The following FERMT3 variants were observed in gnomAD, a reference collection of about 807,000 sequenced individuals.
FERMT3 encodes FERM domain containing kindlin 3, also known as fermitin family homolog 3.
Under a neutral mutation model 80.8 loss-of-function variants are expected in FERMT3, and 33 were observed. The ratio of observed to expected loss-of-function variants is 0.41; its 90% CI spans 0.31 to 0.55. The LOEUF is 0.55. FERMT3 is among the 20% of genes least tolerant of loss of function. FERMT3 has a pLI of 0.31. For missense variants in FERMT3, 754 were observed against 908.7 expected, an observed-to-expected ratio of 0.83 and a Z score of 2.19; for synonymous variants, 375 against 372.2, an observed-to-expected ratio of 1.01 and a Z score of -0.09.
At chr11:64,223,255 T>TG (rs928271995) in intron 14 of FERMT3, 58 bp from the exon 15 acceptor site, 34 of 1,612,842 alleles carry the variant, frequency 2.1e-5, no homozygotes, top group Non-Finnish European at 2.8e-5. Context: ...CCAGCCAGGG[T>TG]GGGGCAGGGG....
chr11:64,220,703 G>T, intron 12 of FERMT3, 34 bp downstream of exon 12: 1 of 1,573,660 alleles, frequency 6.4e-7, no homozygotes, highest in Non-Finnish European at 8.7e-7. Context: ...AATGAGCATA[G>T]TGTTTACCCA....
At position 64,210,156 on chromosome 11, in the gene FERMT3, C is replaced by T. The variant is rs1021316039; in HGVS notation, c.161-455C>T. On this transcript the variant is annotated intron_variant, in intron 2 of 14. Coordinates refer to ENST00000345728, the MANE Select transcript of FERMT3 (RefSeq NM_031471.6). This position sits in a 1 kb window ranked among gnomAD's most constrained non-coding sequence, Gnocchi z 4.3. The stretch of plus-strand genomic sequence containing the variant: ...AGCTAATAGCTAAAAATATTGAGTG[C>T]TCACTGCTCCAGGCCAGGCACAGGT... 1.3e-5 allele frequency among the ~76,000 whole-genome samples: 2 copies of T among 152,234 alleles called. No individual in the cohort carries two copies. Among genetic ancestry groups the T allele is most frequent in the African/African-American group, 4.8e-5 (2 of 41,462 alleles).
rs749654633 is a variant in FERMT3, at chr11:64,211,603, G to A, written c.684-42G>A. ...CAGCCCCCCTCCCCACCCCACGGCCGTACCTGGCGCAGCCCTGACTGCTGC... is the reference window on the plus strand; with the variant it reads ...CAGCCCCCCTCCCCACCCCACGGCCATACCTGGCGCAGCCCTGACTGCTGC... On this transcript the variant is annotated intron_variant, in intron 5 of 14. Transcript: ENST00000345728. The surrounding 1 kb of genome is among the most constrained non-coding windows in gnomAD (Gnocchi z 4.7). 42 of 1,579,148 alleles carry A rather than the reference G, an allele frequency of 2.7e-5. No individual in the cohort carries two copies. Among genetic ancestry groups the A allele is most frequent in the South Asian group, 7.8e-5 (7 of 89,738 alleles).
chr11:64,217,428 A>G (rs528673947), intron 6 of FERMT3, among the ~76,000 whole-genome samples: 34 of 152,268 alleles, frequency 2.2e-4, no homozygotes, highest in African/African-American at 6.3e-4. Flanking sequence ...GCATGCCTGT[A>G]ATCCCAGCTA....
Position 64,207,467 on chromosome 11 carries a change from C to CG in FERMT3, c.106dup (p.Val36GlyfsTer111), listed in dbSNP as rs948838429. 1 of 1,613,882 alleles carries CG rather than the reference C, an allele frequency of 6.2e-7. No homozygotes were observed. The highest frequency in any genetic ancestry group is 8.5e-7 in the Non-Finnish European group (1 of 1,179,952). ...CCCAGAGGCCGAGTCGGTCACCCTG[C>CG]GGGTCACTGGGGAGTCGCACATCGG... On this transcript the variant is annotated frameshift_variant, in exon 2 of 15. Coordinates refer to ENST00000345728, the MANE Select transcript of FERMT3 (RefSeq NM_031471.6). LOFTEE classifies it high-confidence loss of function.
At position 64,223,735 on chromosome 11, in the gene FERMT3, G is replaced by T; in HGVS notation, c.*243G>T. The T allele has an allele frequency of 1.3e-6, 1 of 755,554 alleles. No individual in the cohort carries two copies. 46.8% of individuals were successfully genotyped at this position (755,554 alleles called of 1,614,324 possible). Reference sequence around the variant, plus strand: ...TGGTGCCCCCTTTCCTTGTCTGAGTGGCTGAGGCTGATACCCCTGACCTAT... The same window carrying T: ...TGGTGCCCCCTTTCCTTGTCTGAGTTGCTGAGGCTGATACCCCTGACCTAT... On this transcript the variant is annotated 3_prime_UTR_variant, in exon 15 of 15. Coordinates refer to ENST00000345728, the MANE Select transcript of FERMT3 (RefSeq NM_031471.6).
chr11:64,216,657 G>A (rs140041296), intron 6 of FERMT3, among the ~76,000 whole-genome samples: 5,771 of 151,000 alleles, frequency 0.038, 370 homozygotes, highest in African/African-American at 0.13. Context: ...TTAGCCGGGC[G>A]TGGTGGTGGG....
intron 6 of FERMT3, among the ~76,000 whole-genome samples, chr11:64,214,100 T>G (rs1396838322): frequency 6.6e-6 from 1 of 152,048 alleles, no homozygotes; most frequent in East Asian, 1.9e-4. Context: ...GTGTTCCTAG[T>G]TAAGCCACAG....
In FERMT3 at chr11:64,220,867, C is replaced by T. The variant is rs180753767; in HGVS notation, c.1546-149C>T. 1.6e-3 allele frequency: 2,288 copies of T among 1,455,120 alleles called. 37 individuals carry two copies. The South Asian group carries it at 0.024, about 15-fold the overall frequency. The allele number at this position is 1,455,120 out of a possible 1,614,324, so 90.1% of individuals were successfully genotyped here. ...TGCCCATGTCCACCTTGCAGCCTGG[C>T]GCAGTGCAGATCTGCACCTTGGCGG... On this transcript the variant is annotated intron_variant, in intron 12 of 14. Coordinates refer to ENST00000345728, the MANE Select transcript of FERMT3 (RefSeq NM_031471.6).
chr11:64,207,735 G>T, intron 2 of FERMT3: 2 of 596,864 alleles, frequency 3.4e-6, no homozygotes, highest in South Asian at 2.1e-5. Context: ...TGCTGCAGCT[G>T]GTCTGCTAAG....
Position 64,218,424 on chromosome 11 carries a change from A to G in FERMT3, c.787-827A>G, listed in dbSNP as rs535511236. ...GTTCAGGTGATTCTCCCACCTCAGC[A>G]TCCTGAGTACCTGGGACTACAGGCA... On this transcript the variant is annotated intron_variant, in intron 6 of 14. Transcript: ENST00000345728. Among the ~76,000 whole-genome samples, 22 of 152,186 alleles carry G rather than the reference A, an allele frequency of 1.4e-4. No homozygotes were observed. In the East Asian group the frequency reaches 3.5e-3, roughly 24 times the overall value.
At chr11:64,214,168 C>CTTTTTTTTTTTT (rs60329788) in intron 6 of FERMT3, among the ~76,000 whole-genome samples, 3 of 113,446 alleles carry the variant, frequency 2.6e-5, no homozygotes, top group Non-Finnish European at 3.5e-5. Context: ...TCATAATTGC[C>CTTTTTTTTTTTT]TTTTTTTTTT....
In FERMT3 at chr11:64,210,470, A is replaced by G. The variant is rs1946411221; in HGVS notation, c.161-141A>G. ...CTGCTGTTACCATGGGGTAGACCCC[A>G]GGCCCGCCCAGGCTGCCCCACTCTT... On this transcript the variant is annotated intron_variant, in intron 2 of 14. Transcript: ENST00000345728. The surrounding 1 kb of genome is among the most constrained non-coding windows in gnomAD (Gnocchi z 4.3). 3 of 826,282 alleles carry G rather than the reference A, an allele frequency of 3.6e-6. No homozygotes were observed. The highest frequency in any genetic ancestry group is 6.0e-6 in the Non-Finnish European group (3 of 501,358). 51.2% of individuals were successfully genotyped at this position (826,282 alleles called of 1,614,324 possible).
At position 64,223,041 on chromosome 11, in the gene FERMT3, GGGCCA is replaced by G; in HGVS notation, c.1671-4_1671del. On this transcript the variant is annotated splice_acceptor_variant and splice_polypyrimidine_tract_variant and intron_variant, in intron 13 of 14. Transcript: ENST00000345728. LOFTEE classifies it high-confidence loss of function. ...GCCCTGGCTCACTCTCTCTCCCTGGGGGCCAGGTTCAAGGGCAGCAGGAAAGACGA... is the reference window on the plus strand; with the variant it reads ...GCCCTGGCTCACTCTCTCTCCCTGGGGGTTCAAGGGCAGCAGGAAAGACGA... 1 of 1,613,386 alleles carries G rather than the reference GGGCCA, an allele frequency of 6.2e-7. No homozygotes were observed. The highest frequency in any genetic ancestry group is 8.5e-7 in the Non-Finnish European group (1 of 1,180,014).
chr11:64,221,926 CCAAAAAACAAAACAAAA>C (rs1946691656), intron 13 of FERMT3, among the ~76,000 whole-genome samples: 1 of 145,406 alleles, frequency 6.9e-6, no homozygotes, highest in Admixed American at 6.9e-5. Flanking sequence ...AACTCTGCCT[CCAAAAAACAAAACAAAA>C]CAAAAAACAA....
Position 64,223,766 on chromosome 11 carries a change from G to A in FERMT3, c.*274G>A, listed in dbSNP as rs1375562987. 2.3e-6 allele frequency: 2 copies of A among 863,378 alleles called. No homozygotes were observed. Among genetic ancestry groups the A allele is most frequent in the South Asian group, 3.5e-5 (2 of 57,504 alleles). 53.5% of individuals were successfully genotyped at this position (863,378 alleles called of 1,614,324 possible). A position where few individuals can be genotyped will look rare whatever the true frequency, so the allele number is the denominator to read the frequency against. On this transcript the variant is annotated 3_prime_UTR_variant, in exon 15 of 15. Coordinates refer to ENST00000345728, the MANE Select transcript of FERMT3 (RefSeq NM_031471.6). Reference sequence around the variant, plus strand: ...GGCTGATACCCCTGACCTATCTGCAGTCCCCCAGCACACAAGGAAGACCAG... The same window carrying A: ...GGCTGATACCCCTGACCTATCTGCAATCCCCCAGCACACAAGGAAGACCAG...
chr11:64,216,047 G>A (rs1946542011), intron 6 of FERMT3, among the ~76,000 whole-genome samples: 1 of 151,894 alleles, frequency 6.6e-6, no homozygotes, highest in African/African-American at 2.4e-5. Context: ...GGTCAGGCTG[G>A]TCTCACACTC....
Position 64,223,734 on chromosome 11 carries a change from T to A in FERMT3, c.*242T>A. ...GTGGTGCCCCCTTTCCTTGTCTGAG[T>A]GGCTGAGGCTGATACCCCTGACCTA... On this transcript the variant is annotated 3_prime_UTR_variant, in exon 15 of 15. Transcript: ENST00000345728. 2 of 752,898 alleles carry A rather than the reference T, an allele frequency of 2.7e-6. No individual in the cohort carries two copies. The highest frequency in any genetic ancestry group is 4.3e-6 in the Non-Finnish European group (2 of 467,510). 46.6% of individuals were successfully genotyped at this position (752,898 alleles called of 1,614,324 possible). A position where few individuals can be genotyped will look rare whatever the true frequency, so the allele number is the denominator to read the frequency against.
chr11:64,210,876 G>A lies in FERMT3; in HGVS notation c.394+32G>A, dbSNP rs371275382. The A allele has an allele frequency of 2.4e-5, 38 of 1,609,370 alleles. No individual in the cohort carries two copies. In the African/African-American group the frequency reaches 2.7e-4, roughly 11 times the overall value. ...TGCCCGGCTGATTCCCCTGGCCCAC[G>A]AGGGTGATGCAAAGAGGCAGGTTCC... On this transcript the variant is annotated intron_variant, in intron 3 of 14. Coordinates refer to ENST00000345728, the MANE Select transcript of FERMT3 (RefSeq NM_031471.6). This position sits in a 1 kb window ranked among gnomAD's most constrained non-coding sequence, Gnocchi z 4.3.
Sources: gnomAD v4.1 joint callset for allele counts (sites outside exome capture counted in the v4.1 genomes callset) on GRCh38, gnomAD v4.1.1 for gene constraint, Gnocchi (gnomAD v3.1) non-coding constraint, MANE v1.5 for transcripts, NCBI Gene and HGNC (gene_info 2026-07-23, HGNC 2026-07-21) for gene names.